The following PALM2AKAP2 variants were observed in gnomAD, a reference collection of about 807,000 sequenced individuals.
The protein encoded by PALM2AKAP2 is PALM2-AKAP2 fusion protein.
In PALM2AKAP2, 37 loss-of-function variants were observed where a neutral mutation model predicts 71.5. That is an observed-to-expected ratio of 0.52 (90% CI 0.40 to 0.68). The LOEUF (loss-of-function observed/expected upper bound fraction) is 0.68, where lower values mean the gene tolerates loss of function less well. Among genes scored for constraint, PALM2AKAP2 ranks in the 30% least tolerant of loss-of-function variants. The probability of loss-of-function intolerance (pLI) is 0.00; values close to 1 mark genes in which losing one functional copy is unlikely to be tolerated. For synonymous variants in PALM2AKAP2, 468 were observed against 478.8 expected (o/e 0.98, Z 0.29); for missense variants, 1,224 against 1,191.8 (o/e 1.03, Z -0.40).
Position 110,063,462 on chromosome 9 carries a change from A to G in PALM2AKAP2, c.156+14607A>G, listed in dbSNP as rs374551561. On this transcript the variant is annotated intron_variant, in intron 1 of 3. Transcript: ENST00000374525. ...CTATTTTTTTTTTTTTTTTTGAGAC[A>G]GAGTTTCACTCTTGTCACCCAGGCT... is the stretch of plus-strand genomic sequence containing the variant. Among the ~76,000 whole-genome samples, 239 of 148,096 alleles carry G rather than the reference A, an allele frequency of 1.6e-3. 4 individuals carry two copies. The South Asian group carries it at 0.046, about 29-fold the overall frequency.
chr9:109,829,659 C>A (rs1828245612), intron 1 of PALM2AKAP2, among the ~76,000 whole-genome samples: 1 of 151,470 alleles, frequency 6.6e-6, no homozygotes, highest in Admixed American at 6.6e-5. Context: ...TCTCTCTCTT[C>A]TTTATCAGGG....
At chr9:109,776,624 C>T (rs530946008), upstream of PALM2AKAP2, among the ~76,000 whole-genome samples, 1 of 152,226 alleles carries the variant, frequency 6.6e-6, no homozygotes, top group African/African-American at 2.4e-5. Flanking sequence ...TGTCTGATAC[C>T]TCCCAGCTTC....
chr9:109,988,130 A>G (rs2132225662), intron 6 of PALM2AKAP2, among the ~76,000 whole-genome samples: 1 of 152,308 alleles, frequency 6.6e-6, no homozygotes, highest in East Asian at 1.9e-4. Context: ...TATAGTACCA[A>G]TCTGCAGTCT....
intron 1 of PALM2AKAP2, among the ~76,000 whole-genome samples, chr9:109,693,862 A>C (rs1308200722): frequency 2.0e-5 from 3 of 152,022 alleles, no homozygotes; most frequent in African/African-American, 4.8e-5. Flanking sequence ...GTCTTCGTAA[A>C]TGTTTCATGT....
At chr9:110,043,099 G>A (rs369608152) in intron 7 of PALM2AKAP2, among the ~76,000 whole-genome samples, 4 of 151,616 alleles carry the variant, frequency 2.6e-5, no homozygotes, top group African/African-American at 7.3e-5. Flanking sequence ...CTCTATCTTC[G>A]TGAGTTCATC....
chr9:109,857,956 A>G (rs1336925133), intron 1 of PALM2AKAP2, among the ~76,000 whole-genome samples: 3 of 152,250 alleles, frequency 2.0e-5, no homozygotes, highest in Non-Finnish European at 2.9e-5. Flanking sequence ...ACACAACTGA[A>G]TTGTTGTTGC....
intron 1 of PALM2AKAP2, among the ~76,000 whole-genome samples, chr9:109,725,596 C>T (rs1038481671): frequency 4.6e-5 from 7 of 152,070 alleles, no homozygotes; most frequent in African/African-American, 1.4e-4. Flanking sequence ...TGTAAACTAT[C>T]ATTAAGAGAT....
intron 1 of PALM2AKAP2, among the ~76,000 whole-genome samples, chr9:109,646,579 A>G (rs1304309364): frequency 6.6e-6 from 1 of 152,152 alleles, no homozygotes; most frequent in Non-Finnish European, 1.5e-5. Context: ...TAGGTTCATG[A>G]AAGAATAAGT....
intron 1 of PALM2AKAP2, among the ~76,000 whole-genome samples, chr9:110,105,271 A>G (rs559189265): frequency 2.5e-4 from 38 of 152,242 alleles, no homozygotes; most frequent in Non-Finnish European, 2.2e-4. Flanking sequence ...AAGAGCATGC[A>G]GAGTGAACTT....
chr9:109,771,779 A>G (rs1829268677), intron 1 of PALM2AKAP2, among the ~76,000 whole-genome samples: 1 of 152,176 alleles, frequency 6.6e-6, no homozygotes, highest in South Asian at 2.1e-4. Context: ...AAAGAAAATC[A>G]TGAAGGACCA....
intron 6 of PALM2AKAP2, among the ~76,000 whole-genome samples, chr9:109,985,619 CA>C (rs36078594): frequency 4.7e-5 from 6 of 126,918 alleles, no homozygotes; most frequent in East Asian, 2.4e-4. Context: ...GACTCCGTCT[CA>C]AAAAAAAAAA....
At chr9:109,840,858 T>G (rs986591582) in intron 1 of PALM2AKAP2, among the ~76,000 whole-genome samples, 1 of 152,112 alleles carries the variant, frequency 6.6e-6, no homozygotes, top group Non-Finnish European at 1.5e-5. Flanking sequence ...CATTAAAAAG[T>G]CAGGAGACAA....
intron 1 of PALM2AKAP2, among the ~76,000 whole-genome samples, chr9:109,700,751 C>T (rs966325020): frequency 1.3e-5 from 2 of 152,210 alleles, no homozygotes; most frequent in Non-Finnish European, 2.9e-5. Context: ...CTGTGTCTGT[C>T]TCACCTGGAG....
intron 1 of PALM2AKAP2, among the ~76,000 whole-genome samples, chr9:109,791,276 C>T (rs1338530124): frequency 6.6e-6 from 1 of 152,206 alleles, no homozygotes; most frequent in Non-Finnish European, 1.5e-5. Context: ...CTGAAAAATA[C>T]AGACAAGAGG....
At chr9:109,742,250 TTCACAC>T (rs1258934310) in intron 1 of PALM2AKAP2, among the ~76,000 whole-genome samples, 2 of 124,162 alleles carry the variant, frequency 1.6e-5, no homozygotes, top group Non-Finnish European at 3.4e-5. Context: ...ATGTGATGTA[TTCACAC>T]ACACACACAC....
chr9:110,006,715 A>C (rs935200896), intron 6 of PALM2AKAP2, among the ~76,000 whole-genome samples: 3 of 152,026 alleles, frequency 2.0e-5, no homozygotes, highest in African/African-American at 7.3e-5. Context: ...AAAAAATATA[A>C]ATTTATATAA....
rs368561095 is a variant in PALM2AKAP2 at position 110,116,387 on chromosome 9, TGC to T, written c.157-19737_157-19736del. The stretch of plus-strand genomic sequence containing the variant: ...GCGTGTGTGTGTGCGTGTGTGTGTG[TGC>T]GCATGTGTGTGCGTGTGCGTGTGCG... On this transcript the variant is annotated intron_variant, in intron 1 of 3. Transcript: ENST00000374525. Among the ~76,000 whole-genome samples, 956 of 151,450 alleles carry T rather than the reference TGC, an allele frequency of 6.3e-3. 7 individuals carry two copies. The highest frequency in any genetic ancestry group is 0.01 in the East Asian group (53 of 5,174).
At chr9:109,654,557 T>C (rs1219828509) in intron 1 of PALM2AKAP2, among the ~76,000 whole-genome samples, 1 of 152,246 alleles carries the variant, frequency 6.6e-6, no homozygotes, top group African/African-American at 2.4e-5. Context: ...AGCACAGTTC[T>C]GAAGGACTCA....
chr9:109,691,897 TATATACACAC>T (rs1209843244), intron 1 of PALM2AKAP2, among the ~76,000 whole-genome samples: 38 of 61,558 alleles, frequency 6.2e-4, no homozygotes, highest in African/African-American at 2.2e-3. Context: ...TATATATATA[TATATACACAC>T]ACACATATAT....
Sources: gnomAD v4.1 joint callset for allele counts (sites outside exome capture counted in the v4.1 genomes callset) on GRCh38, gnomAD v4.1.1 for gene constraint, MANE v1.5 for transcripts, NCBI Gene and HGNC (gene_info 2026-07-23, HGNC 2026-07-21) for gene names.